The following MTRR variants were observed in gnomAD, a reference collection of about 807,000 sequenced individuals.
The protein encoded by MTRR is 5-methyltetrahydrofolate-homocysteine methyltransferase reductase, also known as methionine synthase reductase.
Under a neutral mutation model 79.2 loss-of-function variants are expected in MTRR, and 63 were observed. The observed-to-expected ratio is 0.80, with a 90% CI of 0.65 to 0.98. MTRR has a LOEUF of 0.98. Ranked by LOEUF, MTRR falls within the 50% of genes least tolerant of loss-of-function variation. The pLI is 0.00. For missense variants in MTRR, 895 were observed against 839.6 expected (o/e 1.07, Z -0.82); for synonymous variants, 355 against 313.3 (o/e 1.13, Z -1.41).
At chr5:7,871,220 ATG>A (rs1747938604) in intron 2 of MTRR, among the ~76,000 whole-genome samples, 1 of 152,076 alleles carries the variant, frequency 6.6e-6, no homozygotes, top group South Asian at 2.1e-4. Flanking sequence ...AACAAGTGAG[ATG>A]TGTGTTTGCC....
intron 4 of MTRR, among the ~76,000 whole-genome samples, chr5:7,876,550 A>G (rs141390333): frequency 1.2e-3 from 190 of 152,320 alleles, no homozygotes; most frequent in Non-Finnish European, 2.4e-3. Context: ...TTTTCAACCT[A>G]ACTACCTTAC....
chr5:7,872,211 T>C (rs1187396044), intron 2 of MTRR: 1 of 453,104 alleles, frequency 2.2e-6, no homozygotes, highest in Non-Finnish European at 4.4e-6. Flanking sequence ...AAAAGTTAAG[T>C]TGTTACCTCT....
intron 9 of MTRR, chr5:7,890,133 C>G (rs1177422492): frequency 2.4e-6 from 1 of 412,490 alleles, no homozygotes; most frequent in East Asian, 1.6e-4. Flanking sequence ...TTGCATTTTT[C>G]TTTGGTGACA....
intron 1 of MTRR, chr5:7,870,310 T>G (rs1236729610): frequency 5.2e-6 from 1 of 193,080 alleles, no homozygotes; most frequent in Admixed American, 5.3e-5. Context: ...TAGTTTTTAC[T>G]TTTATCTTTT....
chr5:7,873,586 A>G, intron 3 of MTRR, 60 bp downstream of exon 3: 1 of 1,580,626 alleles, frequency 6.3e-7, no homozygotes, highest in Non-Finnish European at 8.7e-7. Flanking sequence ...TGGTATCTGA[A>G]TTATCTTTCA....
intron 11 of MTRR, among the ~76,000 whole-genome samples, chr5:7,894,106 C>T (rs1024128891): frequency 6.6e-6 from 1 of 152,266 alleles, no homozygotes. Context: ...CCTTTCCTCC[C>T]TCCCTCTCTT....
chr5:7,895,159 T>C (rs1738288108), intron 11 of MTRR, among the ~76,000 whole-genome samples: 1 of 152,252 alleles, frequency 6.6e-6, no homozygotes. Flanking sequence ...CTCAGATTGA[T>C]TCAGAAATAT....
intron 1 of MTRR, among the ~76,000 whole-genome samples, chr5:7,853,168 G>A (rs1746125311): frequency 6.6e-6 from 1 of 152,126 alleles, no homozygotes; most frequent in East Asian, 1.9e-4. Flanking sequence ...GTGACCAAGT[G>A]GAGATAATTG....
intron 8 of MTRR, among the ~76,000 whole-genome samples, chr5:7,888,763 C>T (rs1047552816): frequency 6.6e-6 from 1 of 152,146 alleles, no homozygotes; most frequent in African/African-American, 2.4e-5. Context: ...GAGAAATAAG[C>T]TATGTCTGCC....
At chr5:7,897,572 A>G (rs1245287152) in intron 14 of MTRR, among the ~76,000 whole-genome samples, 1 of 152,194 alleles carries the variant, frequency 6.6e-6, no homozygotes, top group African/African-American at 2.4e-5. Flanking sequence ...TGATTTTGTT[A>G]TATATAAGAA....
chr5:7,864,010 C>T (rs942591929), intron 2 of MTRR, among the ~76,000 whole-genome samples: 11 of 152,020 alleles, frequency 7.2e-5, no homozygotes, highest in South Asian at 6.2e-4. Flanking sequence ...CCATCATGCC[C>T]GGCTAATTTT....
At chr5:7,862,609 C>A (rs1319478536) in intron 2 of MTRR, among the ~76,000 whole-genome samples, 1 of 151,836 alleles carries the variant, frequency 6.6e-6, no homozygotes, top group Non-Finnish European at 1.5e-5. Flanking sequence ...AATATTCTGC[C>A]CAGGATATTC....
At chr5:7,862,499 T>C (rs572114349) in intron 2 of MTRR, among the ~76,000 whole-genome samples, 3 of 152,302 alleles carry the variant, frequency 2.0e-5, no homozygotes, top group African/African-American at 7.2e-5. Flanking sequence ...TAGTGAGCAT[T>C]TCCTACGTTC....
At chr5:7,880,936 A>G (rs945644323) in intron 5 of MTRR, among the ~76,000 whole-genome samples, 5 of 152,060 alleles carry the variant, frequency 3.3e-5, no homozygotes, top group African/African-American at 1.2e-4. Flanking sequence ...CCCAGTGTAC[A>G]TTTCCCCTTT....
In MTRR at chr5:7,897,141, G is replaced by A. The variant is rs371312103; in HGVS notation, c.1846G>A (p.Gly616Arg). 109 of 1,614,054 alleles carry A rather than the reference G, an allele frequency of 6.8e-5. 3 individuals carry two copies. In the South Asian group the frequency reaches 1.1e-3, roughly 17 times the overall value. ...TTCCTTCTCAAGAGATGCTCCTGTT[G>A]GGGAGGAGGAAGCCCCAGCAAAGTA... The part of the protein sequence containing the change: ...KVSFSRDAPV[G>R]EEEAPAKYVQ... The change falls in exon 14 of 15, where the codon GGG becomes AGG. Residue 616 changes from glycine to arginine, a missense_variant. Transcript: ENST00000440940.
At chr5:7,876,640 G>A (rs1438007837) in intron 4 of MTRR, among the ~76,000 whole-genome samples, 5 of 152,312 alleles carry the variant, frequency 3.3e-5, no homozygotes, top group South Asian at 2.1e-4. Context: ...ATGGGGTTAC[G>A]AATGCACACT....
chr5:7,868,003 A>G, upstream of MTRR: 2 of 1,614,100 alleles, frequency 1.2e-6, no homozygotes, highest in East Asian at 4.5e-5. Context: ...TTAGAGGTTT[A>G]TTTTTTAAAG....
intron 1 of MTRR, among the ~76,000 whole-genome samples, chr5:7,857,887 G>C (rs1326982091): frequency 1.3e-5 from 2 of 152,224 alleles, no homozygotes; most frequent in Admixed American, 1.3e-4. Context: ...ATCTGATTCT[G>C]ATGAGCAAAC....
At chr5:7,895,177 A>C (rs1738290229) in intron 11 of MTRR, among the ~76,000 whole-genome samples, 1 of 152,238 alleles carries the variant, frequency 6.6e-6, no homozygotes, top group African/African-American at 2.4e-5. Flanking sequence ...TATCTTTTGA[A>C]ATTTTAACAA....
Sources: allele counts gnomAD v4.1 joint callset (sites outside exome capture counted in the v4.1 genomes callset), GRCh38; gene constraint gnomAD v4.1.1; transcripts MANE v1.5; gene names NCBI Gene and HGNC (gene_info 2026-07-23, HGNC 2026-07-21).